The following ESR1 variants were observed in gnomAD, a reference collection of about 807,000 sequenced individuals.
ESR1 encodes the protein estrogen receptor 1.
In ESR1, 12 loss-of-function variants were observed where a neutral mutation model predicts 52.7. The ratio of observed to expected loss-of-function variants is 0.23; its 90% CI spans 0.15 to 0.37. ESR1 has a LOEUF of 0.37. ESR1 is among the 10% of genes least tolerant of loss of function. The pLI is 1.00. For missense variants in ESR1, 584 were observed against 779.7 expected (o/e 0.75, Z 2.99); for synonymous variants, 305 against 316.8 (o/e 0.96, Z 0.39).
chr6:152,120,461 G>A (rs900504240), intron 6 of ESR1, among the ~76,000 whole-genome samples: 2 of 152,146 alleles, frequency 1.3e-5, no homozygotes. Flanking sequence ...GCGATCCATC[G>A]TGTTCCCTGT....
At chr6:151,811,457 A>T (rs1047792481) in intron 1 of ESR1, among the ~76,000 whole-genome samples, 1 of 152,200 alleles carries the variant, frequency 6.6e-6, no homozygotes, top group Admixed American at 6.5e-5. Context: ...ATTACTCAGT[A>T]TTCTTAAAAG....
chr6:151,930,498 A>G (rs1378433427), intron 3 of ESR1, among the ~76,000 whole-genome samples: 1 of 152,136 alleles, frequency 6.6e-6, no homozygotes, highest in African/African-American at 2.4e-5. Flanking sequence ...ATAATCACCT[A>G]TACATTGCTG....
chr6:151,957,258 A>G (rs1000889420), intron 4 of ESR1, among the ~76,000 whole-genome samples: 2 of 152,162 alleles, frequency 1.3e-5, no homozygotes, highest in Admixed American at 1.3e-4. Context: ...GTTCAAAAAT[A>G]TTCGCTATTA....
intron 3 of ESR1, among the ~76,000 whole-genome samples, chr6:151,891,562 G>A (rs147794028): frequency 1.3e-3 from 197 of 152,218 alleles, no homozygotes; most frequent in African/African-American, 4.5e-3. Context: ...AGATCATCTA[G>A]TGCACCTTTT....
chr6:151,800,759 TGA>T (rs974058382), upstream of ESR1, among the ~76,000 whole-genome samples: 4 of 152,202 alleles, frequency 2.6e-5, no homozygotes, highest in African/African-American at 9.7e-5. Context: ...AATATTTTTT[TGA>T]GTGAATTGAA....
At chr6:151,956,462 T>C (rs1238700335) in intron 4 of ESR1, among the ~76,000 whole-genome samples, 2 of 152,220 alleles carry the variant, frequency 1.3e-5, no homozygotes, top group African/African-American at 4.8e-5. Flanking sequence ...AATTTATCTG[T>C]TGCAGATAGT....
intron 3 of ESR1, among the ~76,000 whole-genome samples, chr6:151,934,594 G>T (rs2034123068): frequency 1.3e-5 from 2 of 152,130 alleles, no homozygotes; most frequent in Admixed American, 1.3e-4. Context: ...AGATGATTTT[G>T]AGAGCTAATT....
chr6:151,847,301 C>G (rs545473112), intron 2 of ESR1, among the ~76,000 whole-genome samples: 1 of 152,270 alleles, frequency 6.6e-6, no homozygotes, highest in Admixed American at 6.5e-5. Context: ...TAAGCAGGCA[C>G]TTATTTGCTA....
chr6:151,683,165 T>G (rs1778523263), intron 1 of ESR1, among the ~76,000 whole-genome samples: 1 of 152,214 alleles, frequency 6.6e-6, no homozygotes, highest in South Asian at 2.1e-4. Flanking sequence ...TTTCTATGTT[T>G]TATCTTTTAC....
chr6:151,985,010 C>T (rs776790749), intron 4 of ESR1, among the ~76,000 whole-genome samples: 5 of 152,096 alleles, frequency 3.3e-5, no homozygotes, highest in Admixed American at 1.3e-4. Context: ...GAATAATTCC[C>T]GTTTCATGGA....
At chr6:151,939,922 TTTTTG>T (rs1225839227) in intron 3 of ESR1, among the ~76,000 whole-genome samples, 1 of 152,128 alleles carries the variant, frequency 6.6e-6, no homozygotes. Context: ...AACAATAATA[TTTTTG>T]TTTTGTTTGT....
intron 2 of ESR1, among the ~76,000 whole-genome samples, chr6:151,774,761 A>G (rs1785812006): frequency 6.6e-6 from 1 of 152,236 alleles, no homozygotes; most frequent in Non-Finnish European, 1.5e-5. Context: ...TGGTATATCA[A>G]CAGAATTAGC....
chr6:151,846,633 A>C (rs1255054872), intron 2 of ESR1, among the ~76,000 whole-genome samples: 4 of 152,176 alleles, frequency 2.6e-5, no homozygotes, highest in Non-Finnish European at 5.9e-5. Flanking sequence ...GAAGAGGTAA[A>C]GTGTTTGGCT....
rs567924552 is a variant in ESR1, at chr6:151,790,466, G to T, written c.-70-17377G>T. Among the ~76,000 whole-genome samples the T allele has an allele frequency of 2.0e-5, 3 of 152,278 alleles. No homozygotes were observed. The South Asian group carries it at 6.2e-4, about 32-fold the overall frequency. ...CAGCCATGTCCTGTCTCTTCCACCT[G>T]TTGTGGAAGGGGTTCATGGCAAACA... is the stretch of plus-strand genomic sequence containing the variant. On this transcript the variant is annotated intron_variant, in intron 2 of 2. Coordinates refer to the ESR1 transcript ENST00000404742.
chr6:152,081,038 A>T lies in ESR1; in HGVS notation c.1370-13347A>T, dbSNP rs537711546. Among the ~76,000 whole-genome samples, 4 of 152,306 alleles carry T rather than the reference A, an allele frequency of 2.6e-5. No homozygotes were observed. In the South Asian group the frequency reaches 6.2e-4, roughly 24 times the overall value. On this transcript the variant is annotated intron_variant, in intron 6 of 7. Coordinates refer to ENST00000206249, the MANE Select transcript of ESR1 (RefSeq NM_000125.4). ...CAATAATAATGGGAGACTGGGAGAC[A>T]CCCCACAGTCAATATTAAACAGATC...
chr6:151,842,901 C>G (rs1784524683), intron 2 of ESR1, 114 bp downstream of exon 2: 1 of 841,432 alleles, frequency 1.2e-6, no homozygotes, highest in Middle Eastern at 3.1e-4. Context: ...ACATGAATCC[C>G]TAGTAGGTCC....
At chr6:151,705,427 T>C (rs906514122) in intron 2 of ESR1, among the ~76,000 whole-genome samples, 20 of 152,050 alleles carry the variant, frequency 1.3e-4, no homozygotes, top group Admixed American at 5.9e-4. Context: ...TAAACACATA[T>C]GAACTAAAGA....
chr6:151,704,330 C>T (rs893282610), intron 2 of ESR1, among the ~76,000 whole-genome samples: 1 of 152,152 alleles, frequency 6.6e-6, no homozygotes, highest in Non-Finnish European at 1.5e-5. Context: ...CTCTGCCTCC[C>T]CGGTTCAAGC....
At chr6:151,689,005 A>G (rs377624804), upstream of ESR1, among the ~76,000 whole-genome samples, 10 of 152,242 alleles carry the variant, frequency 6.6e-5, no homozygotes, top group East Asian at 5.8e-4. Flanking sequence ...TATAATTTAC[A>G]TACAATATAC....
Sources: gnomAD v4.1 joint callset for allele counts (sites outside exome capture counted in the v4.1 genomes callset) on GRCh38, gnomAD v4.1.1 for gene constraint, MANE v1.5 for transcripts, NCBI Gene and HGNC (gene_info 2026-07-23, HGNC 2026-07-21) for gene names.